The following PCNX2 variants were observed in gnomAD, a reference collection of about 807,000 sequenced individuals.
The protein encoded by PCNX2 is pecanex 2.
PCNX2 carries 168 observed loss-of-function variants against 223.8 expected under a neutral mutation model. The ratio of observed to expected loss-of-function variants is 0.75; its 90% confidence interval spans 0.66 to 0.85. PCNX2 has a LOEUF of 0.85. Ranked by LOEUF, PCNX2 falls within the 40% of genes least tolerant of loss-of-function variation. The pLI is 0.00. For missense variants in PCNX2, 2,507 were observed against 2,675.5 expected (o/e 0.94, Z 1.39); for synonymous variants, 1,006 against 1,052.6 (o/e 0.96, Z 0.86).
chr1:233,307,898 A>G, the PCNX2 span, among the ~76,000 whole-genome samples: 1 of 152,224 alleles, frequency 6.6e-6, no homozygotes, highest in Non-Finnish European at 1.5e-5. Context: ...CAAGCAAAAC[A>G]GTCACTTAAG....
intron 19 of PCNX2, among the ~76,000 whole-genome samples, chr1:233,154,591 TACTG>T (rs1211820686): frequency 7.2e-5 from 11 of 152,218 alleles, no homozygotes; most frequent in East Asian, 5.8e-4. Context: ...CTCCAATGTT[TACTG>T]ACTATCTGCC....
chr1:233,218,041 G>C lies in PCNX2; in HGVS notation c.2648C>G (p.Ser883Cys), dbSNP rs532757441. The C allele has an allele frequency of 6.2e-7, 1 of 1,608,010 alleles. No individual in the cohort carries two copies. Among genetic ancestry groups the C allele is most frequent in the East Asian group, 2.2e-5 (1 of 44,684 alleles). The stretch of plus-strand genomic sequence containing the variant: ...TAGATGTGGTCTTGCCTTTAGCAGG[G>C]AGTACTGGCAGCTGGCCATGACGAG... ...FCLVMASCQY[S>C]LLKSVQPDPA... The change falls in exon 11 of 34, where the codon TCC (serine) becomes TGC (cysteine). Residue 883 changes from serine (S) to cysteine (C), a missense_variant. Physicochemically the swap from Ser to Cys is moderately radical, Grantham distance 112. This residue lies in a region of PCNX2 where 104 missense variants were observed against 144.4 expected (regional missense o/e 0.72). Transcript: ENST00000258229.
intron 26 of PCNX2, among the ~76,000 whole-genome samples, chr1:233,023,550 T>C (rs995101022): frequency 6.6e-6 from 1 of 152,164 alleles, no homozygotes; most frequent in African/African-American, 2.4e-5. Context: ...CCAAGAGAAA[T>C]AAGCTTCTAA....
At chr1:233,299,278 G>A (rs1207442838), upstream of PCNX2, among the ~76,000 whole-genome samples, 1 of 152,152 alleles carries the variant, frequency 6.6e-6, no homozygotes, top group African/African-American at 2.4e-5. Context: ...ATTTCCAAAT[G>A]ATAATTAACT....
intron 23 of PCNX2, among the ~76,000 whole-genome samples, chr1:233,088,468 C>G (rs900731821): frequency 2.0e-5 from 3 of 152,116 alleles, no homozygotes; most frequent in African/African-American, 7.2e-5. Flanking sequence ...ATTATTTTCT[C>G]CTAAAAAAGC....
chr1:233,099,079 G>C (rs2102954357), intron 21 of PCNX2, among the ~76,000 whole-genome samples: 1 of 152,326 alleles, frequency 6.6e-6, no homozygotes, highest in Non-Finnish European at 1.5e-5. Flanking sequence ...GAGAGATTAA[G>C]TGGATTGCTT....
At chr1:233,302,074 T>G in the PCNX2 span, among the ~76,000 whole-genome samples, 3 of 151,932 alleles carry the variant, frequency 2.0e-5, no homozygotes, top group African/African-American at 7.3e-5. Context: ...GGGATTATAG[T>G]GAACCACTGC....
intron 25 of PCNX2, among the ~76,000 whole-genome samples, chr1:233,029,194 G>A (rs1055153262): frequency 3.3e-5 from 5 of 151,966 alleles, no homozygotes; most frequent in Non-Finnish European, 7.4e-5. Flanking sequence ...TTCTCAATCA[G>A]CTTTTTAGCC....
chr1:233,320,038 G>A, the PCNX2 span, among the ~76,000 whole-genome samples: 2 of 152,082 alleles, frequency 1.3e-5, no homozygotes, highest in African/African-American at 2.4e-5. Flanking sequence ...TGCATTCAAC[G>A]TGTTGCAATA....
intron 10 of PCNX2, among the ~76,000 whole-genome samples, chr1:233,226,195 T>G (rs949734896): frequency 6.6e-6 from 1 of 152,198 alleles, no homozygotes; most frequent in African/African-American, 2.4e-5. Context: ...TAAACTGTTA[T>G]GTGCAAATTT....
chr1:233,013,520 G>A (rs1478404218), intron 28 of PCNX2, among the ~76,000 whole-genome samples: 1 of 152,126 alleles, frequency 6.6e-6, no homozygotes, highest in Non-Finnish European at 1.5e-5. Flanking sequence ...CCAGAACTGT[G>A]ACAGTTGCTA....
At chr1:233,010,762 T>C (rs1467967312) in intron 28 of PCNX2, among the ~76,000 whole-genome samples, 1 of 152,236 alleles carries the variant, frequency 6.6e-6, no homozygotes, top group South Asian at 2.1e-4. Flanking sequence ...AACATTTTAT[T>C]TAAAGACAAT....
At chr1:232,998,506 A>G (rs989435242) in intron 31 of PCNX2, 68 bp from the exon 32 acceptor site, 2 of 1,542,800 alleles carry the variant, frequency 1.3e-6, no homozygotes, top group African/African-American at 1.4e-5. Context: ...ATGCACCACC[A>G]TGGCCTTGCC....
intron 1 of PCNX2, among the ~76,000 whole-genome samples, chr1:233,276,855 A>C (rs1660942776): frequency 6.6e-6 from 1 of 152,228 alleles, no homozygotes; most frequent in Non-Finnish European, 1.5e-5. Context: ...TTTGGGGTAG[A>C]ACTGTGACTG....
At chr1:233,042,153 G>GTATA (rs1671665577) in intron 25 of PCNX2, among the ~76,000 whole-genome samples, 2 of 152,162 alleles carry the variant, frequency 1.3e-5, no homozygotes, top group Non-Finnish European at 2.9e-5. Flanking sequence ...TATTCAACTT[G>GTATA]TATATTTCCC....
In PCNX2 at chr1:233,083,597, C is replaced by A. The variant is rs555038916; in HGVS notation, c.4076+6464G>T. ...ACCAACAAGGCGCTGGAAAACAACA[C>A]AGTGAGATTCACGAGAGCTCACTAA... On this transcript the variant is annotated intron_variant, in intron 23 of 33. Transcript: ENST00000258229. 1.4e-4 allele frequency among the ~76,000 whole-genome samples: 21 copies of A among 152,348 alleles called. 1 individual carries two copies. The South Asian group carries it at 3.7e-3, about 27-fold the overall frequency.
At chr1:233,265,718 G>A (rs903265659) in intron 1 of PCNX2, among the ~76,000 whole-genome samples, 1 of 152,088 alleles carries the variant, frequency 6.6e-6, no homozygotes, top group African/African-American at 2.4e-5. Context: ...TAATAACAGG[G>A]GGGTCCATTT....
chr1:233,061,670 G>C (rs1054616539), intron 23 of PCNX2, among the ~76,000 whole-genome samples: 4 of 152,162 alleles, frequency 2.6e-5, no homozygotes, highest in African/African-American at 7.2e-5. Context: ...TCAGTACTTT[G>C]AAGGTTTTGA....
Position 232,984,720 on chromosome 1 carries a change from C to A in PCNX2, c.6241-243G>T, listed in dbSNP as rs41304135. 8.7e-3 allele frequency: 3,983 copies of A among 456,776 alleles called. 40 individuals are homozygous for A. Among genetic ancestry groups the A allele is most frequent in the Admixed American group, 0.034 (867 of 25,200 alleles). 28.3% of individuals were successfully genotyped at this position (456,776 alleles called of 1,614,324 possible). On this transcript the variant is annotated intron_variant, in intron 33 of 33. Transcript: ENST00000258229. Reference sequence around the variant, plus strand: ...GCACGTGGGCCTTTCTGGATGACTGCGCTGGAAAGAGCGGCCCTGGGGGGA... The same window carrying A: ...GCACGTGGGCCTTTCTGGATGACTGAGCTGGAAAGAGCGGCCCTGGGGGGA...
Sources: gnomAD v4.1 joint callset for allele counts (sites outside exome capture counted in the v4.1 genomes callset) on GRCh38, gnomAD v4.1.1 for gene constraint, gnomAD v4.1.1 regional missense constraint, MANE v1.5 for transcripts, NCBI Gene and HGNC (gene_info 2026-07-23, HGNC 2026-07-21) for gene names.